The following SCRG1 variants were observed in gnomAD, a reference collection of about 807,000 sequenced individuals.
SCRG1 encodes the protein stimulator of chondrogenesis 1.
SCRG1 carries 3 observed loss-of-function variants against 7.7 expected under a neutral mutation model. The ratio of observed to expected loss-of-function variants is 0.39; its 90% CI spans 0.18 to 1.01. The LOEUF (loss-of-function observed/expected upper bound fraction) is 1.01, where lower values mean the gene tolerates loss of function less well. Among genes scored for constraint, SCRG1 ranks in the 50% least tolerant of loss-of-function variants. The pLI is 0.36. For synonymous variants in SCRG1, 46 were observed against 41.2 expected, an observed-to-expected ratio of 1.12 and a Z score of -0.44; for missense variants, 110 against 117.2, an observed-to-expected ratio of 0.94 and a Z score of 0.28.
the SCRG1 span, among the ~76,000 whole-genome samples, chr4:173,483,237 T>C: frequency 1.2e-3 from 86 of 71,462 alleles, 1 homozygote; most frequent in African/African-American, 6.0e-3. Flanking sequence ...TTATATATAA[T>C]ATATGATATA....
chr4:173,491,046 C>G, the SCRG1 span, among the ~76,000 whole-genome samples: 1 of 152,294 alleles, frequency 6.6e-6, no homozygotes, highest in African/African-American at 2.4e-5. Flanking sequence ...ATTGCAGCAA[C>G]TCTCTCAATC....
the SCRG1 span, among the ~76,000 whole-genome samples, chr4:173,488,312 T>C: frequency 9.2e-5 from 14 of 152,098 alleles, no homozygotes; most frequent in African/African-American, 3.1e-4. Context: ...AGCTGCATCA[T>C]GGAAATCTCA....
At chr4:173,499,936 G>C in the SCRG1 span, among the ~76,000 whole-genome samples, 1 of 152,192 alleles carries the variant, frequency 6.6e-6, no homozygotes, top group Non-Finnish European at 1.5e-5. The surrounding 1 kb of genome is among the most constrained non-coding windows in gnomAD (Gnocchi z 4.1). Flanking sequence ...TTTTCTGAAT[G>C]TAAAGGCATT....
the SCRG1 span, among the ~76,000 whole-genome samples, chr4:173,420,751 G>C: frequency 6.6e-6 from 1 of 152,016 alleles, no homozygotes; most frequent in Admixed American, 6.6e-5. Flanking sequence ...TGCAAGTTAG[G>C]GCAGAAAGTG....
At chr4:173,431,853 G>A in the SCRG1 span, among the ~76,000 whole-genome samples, 1 of 152,000 alleles carries the variant, frequency 6.6e-6, no homozygotes, top group Non-Finnish European at 1.5e-5. Flanking sequence ...ACATCACCAT[G>A]CAAGGAGGTG....
chr4:173,407,640 A>G (rs1277208823), upstream of SCRG1, among the ~76,000 whole-genome samples: 1 of 152,242 alleles, frequency 6.6e-6, no homozygotes, highest in Admixed American at 6.5e-5. Flanking sequence ...GTCAATTAAA[A>G]TCATTATTTG....
the SCRG1 span, among the ~76,000 whole-genome samples, chr4:173,451,533 A>G: frequency 6.6e-6 from 1 of 152,140 alleles, no homozygotes; most frequent in African/African-American, 2.4e-5. Context: ...TAACTAAAGA[A>G]TGGGCCTCAA....
At chr4:173,418,706 G>A in the SCRG1 span, among the ~76,000 whole-genome samples, 1 of 152,182 alleles carries the variant, frequency 6.6e-6, no homozygotes. Context: ...CAGTGTTGCA[G>A]GAGGGGCCAG....
the SCRG1 span, among the ~76,000 whole-genome samples, chr4:173,500,993 A>G: frequency 2.6e-5 from 4 of 152,190 alleles, no homozygotes; most frequent in Non-Finnish European, 5.9e-5. Context: ...GGCTTGCCCA[A>G]AGTGGGGAAA....
the SCRG1 span, among the ~76,000 whole-genome samples, chr4:173,492,586 G>A: frequency 1.3e-5 from 2 of 152,204 alleles, no homozygotes; most frequent in Non-Finnish European, 2.9e-5. Context: ...GGATTTAGTA[G>A]GAGGTATGAA....
the SCRG1 span, among the ~76,000 whole-genome samples, chr4:173,508,608 C>G: frequency 1.3e-5 from 2 of 152,214 alleles, no homozygotes; most frequent in Non-Finnish European, 2.9e-5. This position sits in a 1 kb window ranked among gnomAD's most constrained non-coding sequence, Gnocchi z 4.4. Flanking sequence ...CAAGAGACTT[C>G]TCAGGTGAGG....
the SCRG1 span, among the ~76,000 whole-genome samples, chr4:173,438,449 C>A: frequency 6.6e-6 from 1 of 152,034 alleles, no homozygotes; most frequent in African/African-American, 2.4e-5. Context: ...AGGGAGCCTG[C>A]AGTTTCAACT....
At chr4:173,473,609 A>G in the SCRG1 span, among the ~76,000 whole-genome samples, 1 of 152,170 alleles carries the variant, frequency 6.6e-6, no homozygotes, top group African/African-American at 2.4e-5. Flanking sequence ...GCTTTGTGAA[A>G]GAAGGGAACT....
At chr4:173,458,144 A>T in the SCRG1 span, among the ~76,000 whole-genome samples, 5 of 152,100 alleles carry the variant, frequency 3.3e-5, no homozygotes, top group South Asian at 1.0e-3. Flanking sequence ...AATGATCCAA[A>T]CTCAGAAGTT....
the SCRG1 span, among the ~76,000 whole-genome samples, chr4:173,483,835 T>TA: frequency 1.9e-5 from 2 of 103,554 alleles, no homozygotes; most frequent in African/African-American, 8.1e-5. Flanking sequence ...ATATATAATA[T>TA]ATAATATATA....
chr4:173,419,338 G>A, the SCRG1 span: 31 of 914,424 alleles, frequency 3.4e-5, no homozygotes, highest in Admixed American at 6.4e-4. Context: ...TTTTGGGACA[G>A]TTCTACCTCT....
At chr4:173,398,002 GTCT>G (rs1739652457) in intron 1 of SCRG1, among the ~76,000 whole-genome samples, 1 of 152,218 alleles carries the variant, frequency 6.6e-6, no homozygotes, top group Non-Finnish European at 1.5e-5. Flanking sequence ...TTGCTGCCCA[GTCT>G]GTGATGTTTT....
the SCRG1 span, among the ~76,000 whole-genome samples, chr4:173,425,414 T>G: frequency 0.93 from 141,059 of 152,284 alleles, 66,266 homozygotes; most frequent in Non-Finnish European, 1. Context: ...CTGGTCCTTT[T>G]AATTGGTAGC....
intron 1 of SCRG1, among the ~76,000 whole-genome samples, chr4:173,395,029 T>C (rs1739561563): frequency 6.6e-6 from 1 of 152,216 alleles, no homozygotes; most frequent in South Asian, 2.1e-4. Context: ...ATGGTCTTTC[T>C]ATATGTTGCT....
Sources: allele counts gnomAD v4.1 joint callset (sites outside exome capture counted in the v4.1 genomes callset), GRCh38; gene constraint gnomAD v4.1.1; non-coding constraint Gnocchi (gnomAD v3.1); transcripts MANE v1.5; gene names NCBI Gene and HGNC (gene_info 2026-07-23, HGNC 2026-07-21).